The following AGBL3 variants were observed in gnomAD, a reference collection of about 807,000 sequenced individuals.
AGBL3 encodes the protein AGBL carboxypeptidase 3.
In AGBL3, 68 loss-of-function variants were observed where a neutral mutation model predicts 94.5. The observed-to-expected ratio is 0.72, with a 90% CI of 0.59 to 0.88. The LOEUF (loss-of-function observed/expected upper bound fraction) is 0.88. Ranked by LOEUF, AGBL3 falls within the 40% of genes least tolerant of loss-of-function variation. The pLI, the probability that AGBL3 is intolerant of heterozygous loss-of-function variation, is 0.00. For missense variants in AGBL3, 934 were observed against 1,103.8 expected (o/e 0.85, Z 2.18); for synonymous variants, 354 against 370.7 (o/e 0.95, Z 0.52).
chr7:135,075,622 G>A (rs757408636), intron 12 of AGBL3, among the ~76,000 whole-genome samples: 9 of 152,120 alleles, frequency 5.9e-5, no homozygotes, highest in Non-Finnish European at 1.0e-4. Flanking sequence ...GGTAGTTATG[G>A]TACATACATG....
chr7:135,020,460 G>C (rs540847193), intron 5 of AGBL3, among the ~76,000 whole-genome samples: 1 of 152,300 alleles, frequency 6.6e-6, no homozygotes, highest in East Asian at 1.9e-4. Flanking sequence ...CACTGTTGGT[G>C]GGACTGTAAA....
intron 16 of AGBL3, among the ~76,000 whole-genome samples, chr7:135,119,643 C>T (rs936582025): frequency 2.6e-5 from 4 of 152,022 alleles, no homozygotes; most frequent in Non-Finnish European, 2.9e-5. Flanking sequence ...TTTGGGAGGC[C>T]GAGGTGGGCA....
At chr7:135,118,817 A>G (rs1472984175) in intron 16 of AGBL3, among the ~76,000 whole-genome samples, 1 of 152,144 alleles carries the variant, frequency 6.6e-6, no homozygotes, top group African/African-American at 2.4e-5. Flanking sequence ...GAGAGAGAGA[A>G]AAAAATATTA....
At chr7:135,075,865 GC>G (rs1820399037) in intron 12 of AGBL3, among the ~76,000 whole-genome samples, 2 of 152,144 alleles carry the variant, frequency 1.3e-5, no homozygotes, top group African/African-American at 4.8e-5. Context: ...TATTTGCCTG[GC>G]CCCCTGCTTA....
At chr7:135,016,102 AT>A (rs1329695392) in intron 4 of AGBL3, among the ~76,000 whole-genome samples, 2 of 152,082 alleles carry the variant, frequency 1.3e-5, no homozygotes, top group African/African-American at 4.8e-5. Flanking sequence ...GAAATTCCTA[AT>A]GTTTTCAGAA....
rs1826229921 is a variant in AGBL3, at chr7:135,115,739, T to C, written c.2342+128T>C. The C allele has an allele frequency of 4.6e-5, 35 of 768,688 alleles. 1 individual carries two copies. The South Asian group carries it at 6.8e-4, about 15-fold the overall frequency. 47.6% of individuals were successfully genotyped at this position (768,688 alleles called of 1,614,324 possible). Reference sequence around the variant, plus strand: ...AAAATGATGTCAGCTCCATCACATTTGGCAAAGAACAAAGACCCAAAGCTG... The same window carrying C: ...AAAATGATGTCAGCTCCATCACATTCGGCAAAGAACAAAGACCCAAAGCTG... On this transcript the variant is annotated intron_variant, in intron 16 of 16. Coordinates refer to ENST00000436302, the MANE Select transcript of AGBL3 (RefSeq NM_178563.4).
chr7:135,123,962 A>C (rs1453667877), intron 16 of AGBL3, among the ~76,000 whole-genome samples: 1 of 152,210 alleles, frequency 6.6e-6, no homozygotes, highest in East Asian at 1.9e-4. Context: ...AAGACCAATG[A>C]CACTATGAAG....
chr7:135,126,879 T>C (rs1238847399), intron 16 of AGBL3, among the ~76,000 whole-genome samples: 1 of 152,144 alleles, frequency 6.6e-6, no homozygotes. Flanking sequence ...GAAGATGGAT[T>C]AAAGACTTAA....
At chr7:135,132,781 G>C (rs1441142076) in intron 16 of AGBL3, among the ~76,000 whole-genome samples, 1 of 152,124 alleles carries the variant, frequency 6.6e-6, no homozygotes, top group Non-Finnish European at 1.5e-5. Context: ...CTTCCGCCAA[G>C]ATTGCGAGGC....
Position 135,048,427 on chromosome 7 carries a change from G to A in AGBL3, c.1841+2516G>A, listed in dbSNP as rs137865726. 2.3e-3 allele frequency among the ~76,000 whole-genome samples: 346 copies of A among 151,940 alleles called. 1 individual carries two copies. The highest frequency in any genetic ancestry group is 7.6e-3 in the African/African-American group (317 of 41,492). ...TTTTGATAGTGATTGTATTGAATGTGTAGATCACTTAGAGTAGTATAGGCA... is the reference window on the plus strand; with the variant it reads ...TTTTGATAGTGATTGTATTGAATGTATAGATCACTTAGAGTAGTATAGGCA... On this transcript the variant is annotated intron_variant, in intron 11 of 16. Transcript: ENST00000436302.
At chr7:135,014,441 C>T (rs1813534880) in intron 4 of AGBL3, among the ~76,000 whole-genome samples, 1 of 151,906 alleles carries the variant, frequency 6.6e-6, no homozygotes, top group Non-Finnish European at 1.5e-5. Flanking sequence ...TTGCATATAC[C>T]ATATCTCAGT....
In AGBL3 at chr7:135,069,401, C is replaced by A. The variant is rs535958732; in HGVS notation, c.1909-6996C>A. Among the ~76,000 whole-genome samples the A allele has an allele frequency of 3.8e-3, 583 of 152,304 alleles. 2 individuals are homozygous for A. Among genetic ancestry groups the A allele is most frequent in the African/African-American group, 0.013 (558 of 41,564 alleles). Reference sequence around the variant, plus strand: ...TAACAGACATCTACAGAACTCTCCACCCCAAATCAACAGAATATACATTCT... The same window carrying A: ...TAACAGACATCTACAGAACTCTCCAACCCAAATCAACAGAATATACATTCT... On this transcript the variant is annotated intron_variant, in intron 12 of 16. Transcript: ENST00000436302.
chr7:135,021,734 T>C (rs1814507922), intron 5 of AGBL3, among the ~76,000 whole-genome samples: 1 of 151,216 alleles, frequency 6.6e-6, no homozygotes, highest in African/African-American at 2.4e-5. Flanking sequence ...CTGTGTGCCA[T>C]GGTAGTTTGC....
At chr7:135,092,984 T>C (rs1030042340) in intron 15 of AGBL3, 6 of 151,600 alleles carry the variant, frequency 4.0e-5, no homozygotes, top group Non-Finnish European at 8.8e-5. Context: ...CATTCTTTCA[T>C]GATTAAAAAA....
chr7:134,987,428 A>G (rs758128873), intron 1 of AGBL3, among the ~76,000 whole-genome samples: 32 of 152,260 alleles, frequency 2.1e-4, no homozygotes, highest in Non-Finnish European at 4.0e-4. Context: ...GACAGTATCT[A>G]CAGAATAATA....
At chr7:135,068,223 T>C (rs1819543748) in intron 12 of AGBL3, among the ~76,000 whole-genome samples, 1 of 152,008 alleles carries the variant, frequency 6.6e-6, no homozygotes, top group Non-Finnish European at 1.5e-5. Flanking sequence ...CTCCAAGAAA[T>C]ATGGGACTAT....
At chr7:134,986,995 G>A (rs1329459361) in intron 1 of AGBL3, among the ~76,000 whole-genome samples, 1 of 152,270 alleles carries the variant, frequency 6.6e-6, no homozygotes, top group African/African-American at 2.4e-5. Flanking sequence ...TCAGCACTTC[G>A]TGCGCCCTGT....
At chr7:135,040,928 G>A (rs997918045) in intron 8 of AGBL3, among the ~76,000 whole-genome samples, 6 of 150,744 alleles carry the variant, frequency 4.0e-5, no homozygotes, top group African/African-American at 1.2e-4. Context: ...GGGAATTTAA[G>A]CAAGGTCGTA....
chr7:135,076,244 T>C (rs765767590), intron 12 of AGBL3, among the ~76,000 whole-genome samples, 153 bp from the exon 13 acceptor site: 1 of 152,216 alleles, frequency 6.6e-6, no homozygotes, highest in Non-Finnish European at 1.5e-5. Flanking sequence ...GAGCTTCTTA[T>C]ATGATACCCA....
Sources: gnomAD v4.1 joint callset for allele counts (sites outside exome capture counted in the v4.1 genomes callset) on GRCh38, gnomAD v4.1.1 for gene constraint, MANE v1.5 for transcripts, NCBI Gene and HGNC (gene_info 2026-07-23, HGNC 2026-07-21) for gene names.